SUSD1: variants seen among roughly 807,000 people sequenced by gnomAD.
The protein encoded by SUSD1 is sushi domain containing 1.
A neutral mutation model predicts 86.9 loss-of-function variants in SUSD1; 65 were observed. The ratio of observed to expected loss-of-function variants is 0.75; its 90% confidence interval spans 0.61 to 0.92. The LOEUF (loss-of-function observed/expected upper bound fraction) is 0.92, where lower values mean the gene tolerates loss of function less well. SUSD1 is among the 40% of genes least tolerant of loss of function. The probability of loss-of-function intolerance (pLI) is 0.00; values close to 1 mark genes in which losing one functional copy is unlikely to be tolerated. For missense variants in SUSD1, 850 were observed against 929.7 expected (o/e 0.91, Z 1.11); for synonymous variants, 346 against 350.0 (o/e 0.99, Z 0.13).
At chr9:112,133,480 T>C (rs1326959718) in intron 5 of SUSD1, among the ~76,000 whole-genome samples, 6 of 152,200 alleles carry the variant, frequency 3.9e-5, no homozygotes, top group Admixed American at 2.6e-4. Flanking sequence ...GGACTCCCTA[T>C]ACATAAATGG....
At chr9:112,156,550 G>A (rs538159043) in intron 2 of SUSD1, among the ~76,000 whole-genome samples, 3 of 152,006 alleles carry the variant, frequency 2.0e-5, no homozygotes, top group Admixed American at 6.6e-5. Context: ...GGAAGTACAG[G>A]CATGTGCCAC....
chr9:112,112,938 A>G (rs1336407785), intron 6 of SUSD1, 70 bp from the exon 7 acceptor site: 1 of 897,948 alleles, frequency 1.1e-6, no homozygotes, highest in Admixed American at 1.9e-5. Flanking sequence ...AAAGGAGATC[A>G]GTCTCTCTGC....
intron 8 of SUSD1, among the ~76,000 whole-genome samples, chr9:112,103,754 A>G (rs1361116559): frequency 6.6e-6 from 1 of 152,242 alleles, no homozygotes; most frequent in Non-Finnish European, 1.5e-5. Context: ...AGCTTAGCAC[A>G]GTATGGAAGA....
chr9:112,064,237 C>T (rs1263719914), intron 12 of SUSD1, among the ~76,000 whole-genome samples: 7 of 152,212 alleles, frequency 4.6e-5, no homozygotes, highest in Non-Finnish European at 7.3e-5. Flanking sequence ...CCAGGCCACA[C>T]AGCAGGAGGT....
intron 10 of SUSD1, among the ~76,000 whole-genome samples, chr9:112,092,455 C>T (rs994179533): frequency 3.9e-5 from 6 of 152,220 alleles, no homozygotes; most frequent in South Asian, 2.1e-4. Flanking sequence ...AACACTGCTT[C>T]GTTGTAACAT....
chr9:112,064,513 A>C (rs940001537), intron 12 of SUSD1, among the ~76,000 whole-genome samples: 3 of 152,150 alleles, frequency 2.0e-5, no homozygotes, highest in Non-Finnish European at 4.4e-5. Flanking sequence ...GGACCACTGC[A>C]TTATAGCTTC....
chr9:112,074,348 C>G (rs1386729372), intron 12 of SUSD1, among the ~76,000 whole-genome samples: 1 of 152,196 alleles, frequency 6.6e-6, no homozygotes, highest in African/African-American at 2.4e-5. Flanking sequence ...TGGGGCTATC[C>G]TGAAGAATTC....
chr9:112,079,619 T>A (rs1264255766), intron 11 of SUSD1, among the ~76,000 whole-genome samples: 2 of 146,640 alleles, frequency 1.4e-5, no homozygotes, highest in African/African-American at 5.1e-5. Flanking sequence ...TTTTTTTTTT[T>A]CGAGACAAAG....
chr9:112,093,574 T>C (rs978390578), intron 10 of SUSD1, among the ~76,000 whole-genome samples: 1 of 152,202 alleles, frequency 6.6e-6, no homozygotes, highest in Admixed American at 6.5e-5. Flanking sequence ...AGCTTTTACC[T>C]GAAATTCAGT....
chr9:112,040,790 C>T lies in SUSD1; in HGVS notation c.*702G>A, dbSNP rs550117565. Reference sequence around the variant, plus strand: ...ACCAAGGGAAGAACAATCTTAATTACGGGATATTTTTACTGGAATGTAGAC... The same window carrying T: ...ACCAAGGGAAGAACAATCTTAATTATGGGATATTTTTACTGGAATGTAGAC... On this transcript the variant is annotated 3_prime_UTR_variant, in exon 17 of 17. Transcript: ENST00000374270. 1.3e-5 allele frequency: 2 copies of T among 152,100 alleles called. No homozygotes were observed. Among genetic ancestry groups the T allele is most frequent in the African/African-American group, 4.8e-5 (2 of 41,392 alleles). 9.4% of individuals were successfully genotyped at this position (152,100 alleles called of 1,614,324 possible).
chr9:112,150,473 C>T (rs1051341551), intron 2 of SUSD1, among the ~76,000 whole-genome samples: 6 of 152,188 alleles, frequency 3.9e-5, no homozygotes, highest in African/African-American at 1.4e-4. Context: ...TCTTATTCAA[C>T]CAAAAGTACC....
At position 112,041,937 on chromosome 9, in the gene SUSD1, T is replaced by C. The variant is rs371354520; in HGVS notation, c.2173A>G (p.Met725Val). The change falls in exon 16 of 17, where the codon ATG (methionine) becomes GTG (valine). Residue 725 changes from methionine to valine, a missense_variant. Met to Val is a conservative substitution (Grantham distance 21). Transcript: ENST00000374270. ...VKDSSLMLLQMAGVGLGSLAV... is the reference protein window; with the variant it reads ...VKDSSLMLLQVAGVGLGSLAV... ...AGGGAACCCAGTCCAACACCCGCCA[T>C]CTGCAGCAGCATGAGTGACGAATCT... 2.5e-5 allele frequency: 41 copies of C among 1,613,920 alleles called. 1 individual carries two copies. Among genetic ancestry groups the C allele is most frequent in the Admixed American group, 3.3e-5 (2 of 60,000 alleles).
In SUSD1 at chr9:112,082,344, T is replaced by C. The variant is rs77410499; in HGVS notation, c.1475-2179A>G. Among the ~76,000 whole-genome samples the C allele has an allele frequency of 3.1e-3, 465 of 152,344 alleles. 2 individuals are homozygous for C. Among genetic ancestry groups the C allele is most frequent in the African/African-American group, 0.01 (433 of 41,584 alleles). On this transcript the variant is annotated intron_variant, in intron 10 of 16. Coordinates refer to ENST00000374270, the MANE Select transcript of SUSD1 (RefSeq NM_022486.5). ...CATCCTAGTCCCTGGAACCTGTATG[T>C]TACCTTACATGGCAGAAACACTTTG...
At chr9:112,043,412 C>T (rs1827826176) in intron 15 of SUSD1, among the ~76,000 whole-genome samples, 1 of 152,182 alleles carries the variant, frequency 6.6e-6, no homozygotes, top group African/African-American at 2.4e-5. Flanking sequence ...AGCTTCGACT[C>T]TGTGATTTCA....
rs1828563095 is a variant in SUSD1 at position 112,058,645 on chromosome 9, G to A, written c.1892C>T (p.Thr631Ile). The A allele has an allele frequency of 6.2e-7, 1 of 1,614,184 alleles. No homozygotes were observed. Among genetic ancestry groups the A allele is most frequent in the Non-Finnish European group, 8.5e-7 (1 of 1,180,022 alleles). The change falls in exon 14 of 17, where the codon ACA becomes ATA. Residue 631 changes from threonine to isoleucine, a missense_variant. Coordinates refer to ENST00000374270, the MANE Select transcript of SUSD1 (RefSeq NM_022486.5). ...VLVLPLALQS[T>I]FSCDSEGASS... ...AGCGCCTTCAGAATCACAAGAAAAT[G>A]TGCTTTGGAGGGCCAGGGGAAGCAC...
At chr9:112,159,395 C>T (rs1026299145) in intron 1 of SUSD1, among the ~76,000 whole-genome samples, 4 of 152,118 alleles carry the variant, frequency 2.6e-5, no homozygotes, top group Non-Finnish European at 2.9e-5. Flanking sequence ...TGCTGTTCTG[C>T]GTGTTTTTTA....
chr9:112,079,634 G>T (rs1209142005), intron 11 of SUSD1, among the ~76,000 whole-genome samples: 20 of 135,898 alleles, frequency 1.5e-4, no homozygotes, highest in East Asian at 2.2e-4. Context: ...ACAAAGTTTT[G>T]CTCTGTCACC....
intron 6 of SUSD1, among the ~76,000 whole-genome samples, chr9:112,114,389 A>G (rs1831225727): frequency 1.3e-5 from 2 of 152,166 alleles, no homozygotes; most frequent in African/African-American, 2.4e-5. Context: ...AGGCTGAGGC[A>G]GGAGAATCAC....
rs199681712 is a variant in SUSD1 at position 112,111,753 on chromosome 9, C to T, written c.1072G>A (p.Val358Met). 6.2e-7 allele frequency: 1 copy of T among 1,614,188 alleles called. No homozygotes were observed. The highest frequency in any genetic ancestry group is 2.2e-5 in the East Asian group (1 of 44,888). Residue 358 changes from valine (V) to methionine (M), a missense_variant, in exon 8 of 17, where the codon GTG becomes ATG. Transcript: ENST00000374270. ...GTGCCTGGGTACAGGGCTAGGCACACTTCTGGGGTCCTGCTGTCTGTGGTC... is the reference window on the plus strand; with the variant it reads ...GTGCCTGGGTACAGGGCTAGGCACATTTCTGGGGTCCTGCTGTCTGTGGTC... ...NLTTDSRTPE[V>M]CLALYPGTNY... is the part of the protein sequence containing the mutation.
Sources: gnomAD v4.1 joint callset for allele counts (sites outside exome capture counted in the v4.1 genomes callset) on GRCh38, gnomAD v4.1.1 for gene constraint, MANE v1.5 for transcripts, NCBI Gene and HGNC (gene_info 2026-07-23, HGNC 2026-07-21) for gene names.